The following CRYAB variants were observed in gnomAD, a reference collection of about 807,000 sequenced individuals.
CRYAB encodes alpha-crystallin B chain.
Under a neutral mutation model 12.7 loss-of-function variants are expected in CRYAB, and 9 were observed. The ratio of observed to expected loss-of-function variants is 0.71; its 90% confidence interval spans 0.43 to 1.24. The LOEUF is 1.24. Among genes scored for constraint, CRYAB ranks in the 50% most tolerant of loss-of-function variants. The pLI is 0.00. For synonymous variants in CRYAB, 93 were observed against 86.8 expected (o/e 1.07, Z -0.40); for missense variants, 183 against 226.6 (o/e 0.81, Z 1.24).
chr11:111,913,506 G>A (rs371239738), upstream of CRYAB: 236 of 1,613,728 alleles, frequency 1.5e-4, no homozygotes, highest in Non-Finnish European at 1.9e-4. Context: ...GCCTCGGGCC[G>A]CCCCAGCTGG....
At chr11:111,914,097 G>GT (rs1566416602), upstream of CRYAB, 1 of 580,086 alleles carries the variant, frequency 1.7e-6, no homozygotes. Flanking sequence ...TCAGGGCCTT[G>GT]TTTGTACTGC....
chr11:111,922,336 C>T (rs962881059), intron 1 of CRYAB, among the ~76,000 whole-genome samples: 2 of 152,118 alleles, frequency 1.3e-5, no homozygotes, highest in Admixed American at 6.5e-5. Flanking sequence ...TTTTTGTTAT[C>T]TCAATAAACC....
chr11:111,916,834 C>CCTTTT (rs1231355997), upstream of CRYAB, among the ~76,000 whole-genome samples: 4 of 151,906 alleles, frequency 2.6e-5, no homozygotes, highest in South Asian at 2.1e-4. Context: ...GATTTCCTTT[C>CCTTTT]CTTTTCTTTT....
chr11:111,916,349 A>G (rs1321834412), upstream of CRYAB, among the ~76,000 whole-genome samples: 4 of 150,584 alleles, frequency 2.7e-5, no homozygotes, highest in Non-Finnish European at 4.4e-5. Flanking sequence ...TCCCACCTCA[A>G]CCTCCTGAGT....
At chr11:111,919,938 G>A (rs1965662462) in intron 1 of CRYAB, among the ~76,000 whole-genome samples, 1 of 152,154 alleles carries the variant, frequency 6.6e-6, no homozygotes, top group Non-Finnish European at 1.5e-5. Context: ...GCTCACGCCT[G>A]TAATCCCAGA....
chr11:111,918,564 C>G, intron 1 of CRYAB: 2 of 534,990 alleles, frequency 3.7e-6, no homozygotes, highest in Non-Finnish European at 6.8e-6. Context: ...CTGAGTGGTG[C>G]TGAGCAAACT....
rs148500053 is a variant in CRYAB at position 111,911,640 on chromosome 11, C to G, written c.85G>C (p.Gly29Arg). The change falls in exon 1 of 3, where the codon GGA (glycine) becomes CGA (arginine). Residue 29 changes from glycine to arginine, a missense_variant. Around this residue, in one of 3 missense-constraint regions of CRYAB, gnomAD observed 86 missense variants for 96.1 expected, o/e 0.89. Coordinates refer to ENST00000650687, the MANE Select transcript of CRYAB (RefSeq NM_001289808.2). Reference sequence around the variant, plus strand: ...AGATCAGACTCCAACAGGTGCTCTCCGAAGAACTGGTCAAAGAGGCGGCTG... The same window carrying G: ...AGATCAGACTCCAACAGGTGCTCTCGGAAGAACTGGTCAAAGAGGCGGCTG... ...SPSRLFDQFF[G>R]EHLLESDLFP... The G allele has an allele frequency of 3.1e-6, 5 of 1,611,328 alleles. No homozygotes were observed. In the African/African-American group the frequency reaches 4.0e-5, roughly 13 times the overall value.
At chr11:111,909,309 A>G in intron 2 of CRYAB, 1 of 461,318 alleles carries the variant, frequency 2.2e-6, no homozygotes, top group African/African-American at 2.0e-5. Context: ...TCCCTGAGGA[A>G]GCCCTGAAAT....
At chr11:111,912,755 C>A, upstream of CRYAB, 1 of 1,191,440 alleles carries the variant, frequency 8.4e-7, no homozygotes, top group Non-Finnish European at 1.2e-6. Context: ...CCCTGGCTCT[C>A]CGGGCAGCTG....
At chr11:111,917,975 C>G (rs150548661), upstream of CRYAB, 13 of 152,236 alleles carry the variant, frequency 8.5e-5, no homozygotes, top group Admixed American at 7.9e-4. Context: ...GATTGTCACT[C>G]TTACCCATGT....
At chr11:111,921,909 T>G (rs1555166598) in intron 1 of CRYAB, among the ~76,000 whole-genome samples, 1 of 152,216 alleles carries the variant, frequency 6.6e-6, no homozygotes, top group African/African-American at 2.4e-5. Context: ...CTTGGCTCGC[T>G]GCAACCTTAG....
intron 1 of CRYAB, among the ~76,000 whole-genome samples, chr11:111,923,320 C>T (rs1965730232): frequency 6.6e-6 from 1 of 152,192 alleles, no homozygotes; most frequent in Admixed American, 6.5e-5. Flanking sequence ...CCAAAAATCA[C>T]ATCAAAACAG....
At chr11:111,913,672 G>A (rs782202385), upstream of CRYAB, 15 of 1,614,138 alleles carry the variant, frequency 9.3e-6, no homozygotes, top group East Asian at 2.2e-5. Context: ...CGCCTGGACC[G>A]CCACGGCTTC....
chr11:111,909,070 T>C, intron 2 of CRYAB, 103 bp from the exon 3 acceptor site: 1 of 1,147,980 alleles, frequency 8.7e-7, no homozygotes, highest in Non-Finnish European at 1.3e-6. Context: ...TGAGACCAAA[T>C]GCCATGACAA....
chr11:111,916,626 T>C (rs1366452779), upstream of CRYAB, among the ~76,000 whole-genome samples: 1 of 152,244 alleles, frequency 6.6e-6, no homozygotes, highest in Non-Finnish European at 1.5e-5. Context: ...AACTTGAAAT[T>C]CAACATCTAG....
upstream of CRYAB, among the ~76,000 whole-genome samples, chr11:111,915,913 T>G (rs1555166090): frequency 1.3e-5 from 2 of 152,054 alleles, no homozygotes; most frequent in South Asian, 4.2e-4. Flanking sequence ...TGGCTAATTT[T>G]TTACTTTTTC....
At chr11:111,912,383 G>C, upstream of CRYAB, 1 of 189,090 alleles carries the variant, frequency 5.3e-6, no homozygotes, top group Non-Finnish European at 1.1e-5. Context: ...CGTTCTATGT[G>C]GCTCTCAGAA....
intron 1 of CRYAB, among the ~76,000 whole-genome samples, chr11:111,919,910 G>A (rs747339544): frequency 2.8e-4 from 43 of 152,206 alleles, no homozygotes; most frequent in Non-Finnish European, 5.7e-4. Flanking sequence ...TAAAAGGGCA[G>A]AAGTGCCAGG....
intron 2 of CRYAB, 30 bp downstream of exon 2, chr11:111,910,297 G>A: frequency 1.9e-6 from 3 of 1,613,844 alleles, no homozygotes; most frequent in East Asian, 2.2e-5. Flanking sequence ...CTGAATGAAT[G>A]AGCAGAAAAC....
Sources: allele counts gnomAD v4.1 joint callset (sites outside exome capture counted in the v4.1 genomes callset), GRCh38; gene constraint gnomAD v4.1.1; regional missense constraint gnomAD v4.1.1; transcripts MANE v1.5; gene names NCBI Gene and HGNC (gene_info 2026-07-23, HGNC 2026-07-21).